The following PNLIPRP3 variants were observed in gnomAD, a reference collection of about 807,000 sequenced individuals.
The protein encoded by PNLIPRP3 is pancreatic lipase related protein 3.
PNLIPRP3 carries 58 observed loss-of-function variants against 52.8 expected under a neutral mutation model. The observed-to-expected ratio is 1.10, with a 90% CI of 0.89 to 1.37. PNLIPRP3 has a LOEUF of 1.37. Among genes scored for constraint, PNLIPRP3 ranks in the 40% most tolerant of loss-of-function variants. The pLI is 0.00. For synonymous variants in PNLIPRP3, 192 were observed against 185.0 expected (o/e 1.04, Z -0.31); for missense variants, 593 against 561.6 (o/e 1.06, Z -0.57).
At chr10:116,443,673 ATAT>A (rs1845893026) in intron 3 of PNLIPRP3, among the ~76,000 whole-genome samples, 1 of 134,060 alleles carries the variant, frequency 7.5e-6, no homozygotes, top group Non-Finnish European at 1.6e-5. Context: ...TAACACATAT[ATAT>A]AAACACATAT....
At chr10:116,452,345 A>C (rs1316010339) in intron 4 of PNLIPRP3, among the ~76,000 whole-genome samples, 1 of 152,230 alleles carries the variant, frequency 6.6e-6, no homozygotes, top group Non-Finnish European at 1.5e-5. Flanking sequence ...AGTTTGGAAA[A>C]TTTGCAGCCT....
chr10:116,441,149 G>C (rs1845852697), intron 2 of PNLIPRP3, among the ~76,000 whole-genome samples: 1 of 152,120 alleles, frequency 6.6e-6, no homozygotes. Flanking sequence ...AGCTGCTTTA[G>C]AGGGTTGTGC....
chr10:116,474,841 T>G (rs915905534), intron 10 of PNLIPRP3, among the ~76,000 whole-genome samples: 7 of 152,228 alleles, frequency 4.6e-5, no homozygotes, highest in African/African-American at 1.7e-4. Flanking sequence ...ACCTATACAC[T>G]GCTGGTTGGA....
rs372052115 is a variant in PNLIPRP3, at chr10:116,428,007, G to T, written c.-6G>T. 18 of 1,606,422 alleles carry T rather than the reference G, an allele frequency of 1.1e-5. No homozygotes were observed. In the Admixed American group the frequency reaches 3.0e-4, roughly 27 times the overall value. On this transcript the variant is annotated 5_prime_UTR_variant, in exon 1 of 12. Coordinates refer to ENST00000369230, the MANE Select transcript of PNLIPRP3 (RefSeq NM_001011709.3). ...GATTTTTATGTGATTTAAAAAATCA[G>T]CTTAGATGCTTGGAATTTGGATTGT...
chr10:116,471,919 G>T, intron 10 of PNLIPRP3, 40 bp downstream of exon 10: 1 of 1,317,652 alleles, frequency 7.6e-7, no homozygotes, highest in Non-Finnish European at 1.1e-6. Flanking sequence ...ACAGTGCTGG[G>T]GGCTCAGTAA....
At chr10:116,456,879 G>A (rs1846124022) in intron 5 of PNLIPRP3, among the ~76,000 whole-genome samples, 1 of 152,148 alleles carries the variant, frequency 6.6e-6, no homozygotes, top group Non-Finnish European at 1.5e-5. Context: ...TCTCTTGCCT[G>A]CATTTTGGCC....
chr10:116,449,286 G>T (rs1480763611), intron 4 of PNLIPRP3, among the ~76,000 whole-genome samples: 6 of 38,818 alleles, frequency 1.5e-4, no homozygotes, highest in Non-Finnish European at 5.5e-4. Flanking sequence ...CTAATCAAAA[G>T]ATATAGAGTG....
rs574036030 is a variant in PNLIPRP3 at position 116,465,427 on chromosome 10, C to T, written c.809-623C>T. On this transcript the variant is annotated intron_variant, in intron 7 of 11. Transcript: ENST00000369230. Reference sequence around the variant, plus strand: ...GTGGGCGCCTGTAGTCCCAGCTACTCGGGAGGCTGAGGCAGGAGAATGGCG... The same window carrying T: ...GTGGGCGCCTGTAGTCCCAGCTACTTGGGAGGCTGAGGCAGGAGAATGGCG... Among the ~76,000 whole-genome samples the T allele has an allele frequency of 4.6e-5, 7 of 151,754 alleles. No homozygotes were observed. The South Asian group carries it at 6.2e-4, about 14-fold the overall frequency.
At chr10:116,438,537 C>T (rs1412900086) in intron 2 of PNLIPRP3, among the ~76,000 whole-genome samples, 2 of 152,224 alleles carry the variant, frequency 1.3e-5, no homozygotes, top group Non-Finnish European at 2.9e-5. Flanking sequence ...TGCCAGCTAT[C>T]TGTAGATGAG....
intron 8 of PNLIPRP3, among the ~76,000 whole-genome samples, chr10:116,468,363 T>A (rs912511060): frequency 6.6e-6 from 1 of 152,172 alleles, no homozygotes; most frequent in African/African-American, 2.4e-5. Flanking sequence ...AGGCCACCCA[T>A]GACCACATAG....
intron 2 of PNLIPRP3, chr10:116,439,489 C>A: frequency 1.4e-6 from 1 of 726,776 alleles, no homozygotes; most frequent in South Asian, 1.5e-5. Flanking sequence ...TCTTCCTCCC[C>A]GTCTTCTTCA....
intron 10 of PNLIPRP3, among the ~76,000 whole-genome samples, chr10:116,473,948 CAAAAAAAAAAA>C (rs771490177): frequency 7.7e-5 from 8 of 103,278 alleles, no homozygotes; most frequent in African/African-American, 2.9e-4. Flanking sequence ...CATATGGAAC[CAAAAAAAAAAA>C]AAAAAAAAAG....
rs1394736417 is a variant in PNLIPRP3 at position 116,443,082 on chromosome 10, A to G, written c.232A>G (p.Ile78Val). The G allele has an allele frequency of 1.2e-6, 2 of 1,606,938 alleles. No homozygotes were observed. The highest frequency in any genetic ancestry group is 1.7e-5 in the Admixed American group (1 of 59,776). ...GATCAGTGCGGTTAATTCTTCAACT[A>G]TCCAAGCCTCATATTTTGGAACAGA... ...QEISAVNSSTIQASYFGTDKI... is the reference protein window; with the variant it reads ...QEISAVNSSTVQASYFGTDKI... Residue 78 changes from isoleucine (I) to valine (V), a missense_variant, in exon 3 of 12, where the codon ATC becomes GTC. Ile to Val is a conservative substitution (Grantham distance 29). Coordinates refer to ENST00000369230, the MANE Select transcript of PNLIPRP3 (RefSeq NM_001011709.3).
intron 2 of PNLIPRP3, among the ~76,000 whole-genome samples, chr10:116,438,482 C>T (rs1275434930): frequency 6.6e-6 from 1 of 152,218 alleles, no homozygotes; most frequent in African/African-American, 2.4e-5. Flanking sequence ...GCTCTCTACT[C>T]ACCAGACACA....
At chr10:116,456,316 T>C (rs1176032499) in intron 5 of PNLIPRP3, among the ~76,000 whole-genome samples, 3 of 152,098 alleles carry the variant, frequency 2.0e-5, no homozygotes, top group Non-Finnish European at 4.4e-5. Context: ...TGTTTCAAAA[T>C]AGCTAGAAGA....
intron 4 of PNLIPRP3, among the ~76,000 whole-genome samples, chr10:116,447,532 A>C (rs1208991699): frequency 2.0e-5 from 3 of 152,250 alleles, no homozygotes; most frequent in Non-Finnish European, 4.4e-5. Flanking sequence ...ACCATCATAA[A>C]AATGTTAAAT....
intron 5 of PNLIPRP3, among the ~76,000 whole-genome samples, chr10:116,457,096 G>C (rs1846126416): frequency 6.6e-6 from 1 of 152,208 alleles, no homozygotes; most frequent in Admixed American, 6.5e-5. Flanking sequence ...CTCTTGCTGA[G>C]CATTCACTGT....
At chr10:116,455,670 G>T in intron 4 of PNLIPRP3, 52 bp from the exon 5 acceptor site, 2 of 1,260,128 alleles carry the variant, frequency 1.6e-6, no homozygotes, top group Non-Finnish European at 2.3e-6. Flanking sequence ...GCATATTTAA[G>T]CTATTCCACC....
intron 1 of PNLIPRP3, among the ~76,000 whole-genome samples, chr10:116,435,412 G>A (rs78848017): frequency 0.12 from 18,368 of 147,126 alleles, 1,397 homozygotes; most frequent in Admixed American, 0.24. Context: ...GAAGGTTACT[G>A]TTTAAATTTA....
Sources: gnomAD v4.1 joint callset for allele counts (sites outside exome capture counted in the v4.1 genomes callset) on GRCh38, gnomAD v4.1.1 for gene constraint, MANE v1.5 for transcripts, NCBI Gene and HGNC (gene_info 2026-07-23, HGNC 2026-07-21) for gene names.